The following HSPA4 variants were observed in gnomAD, a reference collection of about 807,000 sequenced individuals.
The protein encoded by HSPA4 is heat shock 70 kDa protein 4.
In HSPA4, 25 loss-of-function variants were observed where a neutral mutation model predicts 106.2. The observed-to-expected ratio is 0.24, with a 90% CI of 0.17 to 0.33. The LOEUF is 0.33. Among genes scored for constraint, HSPA4 ranks in the 10% least tolerant of loss-of-function variants. The pLI, the probability that HSPA4 is intolerant of heterozygous loss-of-function variation, is 1.00. For synonymous variants in HSPA4, 332 were observed against 333.6 expected, an observed-to-expected ratio of 1.00 and a Z score of 0.05; for missense variants, 841 against 996.0, an observed-to-expected ratio of 0.84 and a Z score of 2.10.
chr5:133,086,343 A>C (rs1006043068), intron 7 of HSPA4, among the ~76,000 whole-genome samples: 1 of 152,192 alleles, frequency 6.6e-6, no homozygotes, highest in Non-Finnish European at 1.5e-5. Context: ...TATTTCACAT[A>C]AATTTTTGTT....
intron 7 of HSPA4, among the ~76,000 whole-genome samples, chr5:133,077,802 T>A (rs1765464106): frequency 1.3e-5 from 2 of 152,110 alleles, no homozygotes; most frequent in Non-Finnish European, 2.9e-5. Context: ...AAATGGTGTT[T>A]ATTGTTGCTT....
At chr5:133,089,727 A>G in intron 11 of HSPA4, 32 bp downstream of exon 11, 4 of 1,482,228 alleles carry the variant, frequency 2.7e-6, no homozygotes, top group Non-Finnish European at 3.6e-6. Flanking sequence ...AAAAAAGAAA[A>G]AAAAAAAAAA....
intron 7 of HSPA4, among the ~76,000 whole-genome samples, chr5:133,082,953 G>A (rs530768063): frequency 6.6e-6 from 1 of 151,892 alleles, no homozygotes; most frequent in South Asian, 2.1e-4. Flanking sequence ...TGGCCAATAT[G>A]GTGAAACCCC....
intron 16 of HSPA4, among the ~76,000 whole-genome samples, chr5:133,100,247 A>G (rs1027765206): frequency 1.3e-5 from 2 of 151,316 alleles, no homozygotes; most frequent in African/African-American, 2.4e-5. Flanking sequence ...TATTTTTAGT[A>G]GAGACAGGGT....
chr5:133,088,802 A>C (rs1765610316), intron 9 of HSPA4, among the ~76,000 whole-genome samples: 1 of 152,212 alleles, frequency 6.6e-6, no homozygotes, highest in Admixed American at 6.5e-5. Flanking sequence ...TTGGCCTGTT[A>C]TGTATGTCTG....
In HSPA4 at chr5:133,104,872, G is replaced by C. The variant is rs150455512; in HGVS notation, c.*436G>C. On this transcript the variant is annotated 3_prime_UTR_variant, in exon 19 of 19. Coordinates refer to ENST00000304858, the MANE Select transcript of HSPA4 (RefSeq NM_002154.4). ...TGCTCCCTGCCTGGTGTGGGGATGGGGTCCCCCTCTTTGTGAGGGCTGGAG... is the reference window on the plus strand; with the variant it reads ...TGCTCCCTGCCTGGTGTGGGGATGGCGTCCCCCTCTTTGTGAGGGCTGGAG... 3 of 177,548 alleles carry C rather than the reference G, an allele frequency of 1.7e-5. No homozygotes were observed. Among genetic ancestry groups the C allele is most frequent in the Non-Finnish European group, 2.4e-5 (2 of 83,382 alleles). The allele number at this position is 177,548 out of a possible 1,614,324, so 11.0% of individuals were successfully genotyped here. A position where few individuals can be genotyped will look rare whatever the true frequency, so the allele number is the denominator to read the frequency against.
At chr5:133,085,529 G>A (rs926549448) in intron 7 of HSPA4, among the ~76,000 whole-genome samples, 33 of 140,646 alleles carry the variant, frequency 2.3e-4, no homozygotes, top group African/African-American at 9.0e-4. Flanking sequence ...CGTAGGTGGT[G>A]CATGCCTGTA....
At chr5:133,073,865 A>G in intron 5 of HSPA4, 128 bp from the exon 6 acceptor site, 2 of 548,602 alleles carry the variant, frequency 3.6e-6, no homozygotes. Context: ...AGTGCTTATA[A>G]AGAATTTGAT....
At chr5:133,086,663 T>G in intron 7 of HSPA4, 119 bp from the exon 8 acceptor site, 1 of 685,412 alleles carries the variant, frequency 1.5e-6, no homozygotes, top group South Asian at 1.7e-5. Flanking sequence ...AAGGATCCAC[T>G]GTCTCCACAT....
At chr5:133,096,368 T>C in intron 14 of HSPA4, 118 bp downstream of exon 14, 1 of 924,354 alleles carries the variant, frequency 1.1e-6, no homozygotes. Flanking sequence ...AGAAAATAAA[T>C]TAGACTTTTG....
chr5:133,074,473 T>TA (rs1297382702), intron 6 of HSPA4, among the ~76,000 whole-genome samples: 1 of 152,178 alleles, frequency 6.6e-6, no homozygotes, highest in Admixed American at 6.5e-5. Flanking sequence ...AGACGGGGTT[T>TA]ATCCATGTTG....
intron 13 of HSPA4, among the ~76,000 whole-genome samples, chr5:133,093,571 G>GC (rs11438170): frequency 0.021 from 3,267 of 152,110 alleles, 108 homozygotes; most frequent in African/African-American, 0.074. Context: ...GCTCACTGCA[G>GC]CCCCCGCCTT....
rs144499470 is a variant in HSPA4, at chr5:133,071,975, T to G, written c.430-1255T>G. 2.0e-3 allele frequency among the ~76,000 whole-genome samples: 301 copies of G among 152,316 alleles called. 2 individuals are homozygous for G. The highest frequency in any genetic ancestry group is 7.0e-3 in the African/African-American group (289 of 41,562). ...AGCTCTTCCATTGGTCTCCCAGATT[T>G]GTTTCCATTCCTCCATCTAGTGCCC... On this transcript the variant is annotated intron_variant, in intron 4 of 18. Transcript: ENST00000304858.
Position 133,053,642 on chromosome 5 carries a change from G to A in HSPA4, c.107+1285G>A, listed in dbSNP as rs868615896. On this transcript the variant is annotated intron_variant, in intron 1 of 18. Coordinates refer to ENST00000304858, the MANE Select transcript of HSPA4 (RefSeq NM_002154.4). ...TGGGCTTACAGGCATGAACCACCGT[G>A]CCCTGCCCAGGGGCTCACTTGTTAT... is the stretch of plus-strand genomic sequence containing the variant. 3.9e-5 allele frequency among the ~76,000 whole-genome samples: 6 copies of A among 151,974 alleles called. 1 individual carries two copies. The Middle Eastern group carries it at 0.021, about 520-fold the overall frequency.
At chr5:133,083,168 C>T (rs1287764185) in intron 7 of HSPA4, among the ~76,000 whole-genome samples, 2 of 150,724 alleles carry the variant, frequency 1.3e-5, no homozygotes, top group Non-Finnish European at 1.5e-5. Flanking sequence ...AAAAATTACC[C>T]GGGCTTGGTG....
chr5:133,085,824 T>C (rs1765572611), intron 7 of HSPA4, among the ~76,000 whole-genome samples: 2 of 152,156 alleles, frequency 1.3e-5, no homozygotes, highest in Non-Finnish European at 2.9e-5. Context: ...AGTGAAATTA[T>C]TCTGTATGTT....
chr5:133,067,592 T>G, intron 3 of HSPA4, 35 bp downstream of exon 3: 3 of 1,509,210 alleles, frequency 2.0e-6, no homozygotes, highest in Non-Finnish European at 1.8e-6. Flanking sequence ...TTAATTAAAA[T>G]GCATTATTAT....
chr5:133,070,684 C>T (rs1212713978), intron 4 of HSPA4, among the ~76,000 whole-genome samples, 188 bp downstream of exon 4: 1 of 152,028 alleles, frequency 6.6e-6, no homozygotes, highest in Non-Finnish European at 1.5e-5. Flanking sequence ...GGTGGATCAC[C>T]TGAGGTCAGG....
chr5:133,091,871 TAAAAAC>T (rs1234092712), intron 12 of HSPA4, among the ~76,000 whole-genome samples: 4 of 151,466 alleles, frequency 2.6e-5, no homozygotes, highest in South Asian at 2.1e-4. Context: ...TACAAAAAGT[TAAAAAC>T]AACAACAACA....
Sources: allele counts gnomAD v4.1 joint callset (sites outside exome capture counted in the v4.1 genomes callset), GRCh38; gene constraint gnomAD v4.1.1; transcripts MANE v1.5; gene names NCBI Gene and HGNC (gene_info 2026-07-23, HGNC 2026-07-21).